The following PLD5 variants were observed in gnomAD, a reference collection of about 807,000 sequenced individuals.
PLD5 encodes the protein inactive phospholipase D5.
In PLD5, 36 loss-of-function variants were observed where a neutral mutation model predicts 61.1. That is an observed-to-expected ratio of 0.59 (90% CI 0.45 to 0.78). The LOEUF (loss-of-function observed/expected upper bound fraction) is 0.78. PLD5 is among the 30% of genes least tolerant of loss of function. PLD5 has a pLI of 0.00. For missense variants in PLD5, 515 were observed against 644.4 expected, an observed-to-expected ratio of 0.80 and a Z score of 2.17; for synonymous variants, 243 against 242.8, an observed-to-expected ratio of 1.00 and a Z score of -0.01.
chr1:242,499,800 G>C (rs992960515), intron 1 of PLD5, among the ~76,000 whole-genome samples: 5 of 152,138 alleles, frequency 3.3e-5, no homozygotes, highest in African/African-American at 1.2e-4. Flanking sequence ...GGCCCAGGAG[G>C]GATGGCTTAT....
chr1:242,413,443 G>T (rs1372609887), intron 1 of PLD5, among the ~76,000 whole-genome samples: 2 of 152,014 alleles, frequency 1.3e-5, no homozygotes, highest in African/African-American at 2.4e-5. Context: ...CTAGCAGGGG[G>T]ACAAACTGCT....
intron 5 of PLD5, among the ~76,000 whole-genome samples, chr1:242,151,391 CTTT>C (rs888484207): frequency 1.3e-5 from 2 of 151,742 alleles, no homozygotes; most frequent in African/African-American, 4.8e-5. Flanking sequence ...TCCCTCATAA[CTTT>C]TTTTCTAATT....
intron 1 of PLD5, among the ~76,000 whole-genome samples, chr1:242,423,833 G>T (rs1237479023): frequency 6.6e-6 from 1 of 152,044 alleles, no homozygotes; most frequent in African/African-American, 2.4e-5. Context: ...CATAACAAGG[G>T]TTCAATGAAT....
intron 8 of PLD5, among the ~76,000 whole-genome samples, chr1:242,106,574 G>C (rs1242420516): frequency 2.0e-5 from 3 of 152,176 alleles, no homozygotes; most frequent in Non-Finnish European, 4.4e-5. Flanking sequence ...TGGAATGAAG[G>C]CTAAAGGGAT....
At chr1:242,186,392 A>G (rs564996099) in intron 5 of PLD5, among the ~76,000 whole-genome samples, 2 of 152,176 alleles carry the variant, frequency 1.3e-5, no homozygotes, top group Non-Finnish European at 2.9e-5. Context: ...CATGTTGGTC[A>G]GGCTGGTCTT....
At chr1:242,447,827 A>T (rs1052712762) in intron 1 of PLD5, among the ~76,000 whole-genome samples, 4 of 152,186 alleles carry the variant, frequency 2.6e-5, no homozygotes, top group Admixed American at 2.6e-4. Flanking sequence ...CTGTAAGAGA[A>T]TATCACTATG....
intron 5 of PLD5, among the ~76,000 whole-genome samples, chr1:242,167,077 AG>A (rs367969227): frequency 0.33 from 9,178 of 28,240 alleles, 382 homozygotes; most frequent in African/African-American, 0.43. Context: ...CAATAATAAT[AG>A]TAATAATAAT....
At chr1:242,400,176 C>T (rs1293537854) in intron 1 of PLD5, among the ~76,000 whole-genome samples, 3 of 132,986 alleles carry the variant, frequency 2.3e-5, no homozygotes, top group Non-Finnish European at 4.8e-5. Context: ...AACTCTCTCT[C>T]TCAAAAGAAA....
intron 1 of PLD5, among the ~76,000 whole-genome samples, chr1:242,424,574 C>T (rs1185783094): frequency 6.6e-6 from 1 of 151,954 alleles, no homozygotes; most frequent in African/African-American, 2.4e-5. Context: ...GTGATTTTGT[C>T]ACCCTAATAC....
chr1:242,149,183 C>G (rs936800110), intron 5 of PLD5, among the ~76,000 whole-genome samples: 2 of 151,848 alleles, frequency 1.3e-5, no homozygotes, highest in Admixed American at 6.6e-5. Flanking sequence ...CCTTTTAACT[C>G]TAGTTTTCTG....
At chr1:242,463,268 C>A (rs557138568) in intron 1 of PLD5, among the ~76,000 whole-genome samples, 4 of 152,318 alleles carry the variant, frequency 2.6e-5, no homozygotes, top group South Asian at 4.1e-4. Context: ...AGTAGAGACA[C>A]TCGCTTGTCC....
chr1:242,270,839 C>T (rs1309410894), intron 3 of PLD5, among the ~76,000 whole-genome samples: 5 of 152,198 alleles, frequency 3.3e-5, no homozygotes, highest in Non-Finnish European at 7.3e-5. Flanking sequence ...AATGCTATAT[C>T]TCCAGTCTTT....
chr1:242,149,960 A>G (rs530793292), intron 5 of PLD5, among the ~76,000 whole-genome samples: 4 of 151,974 alleles, frequency 2.6e-5, no homozygotes, highest in East Asian at 3.9e-4. Context: ...TCATCCTAAC[A>G]TAAGCATCTT....
At chr1:242,380,708 GA>G (rs374529560) in intron 1 of PLD5, among the ~76,000 whole-genome samples, 6 of 145,366 alleles carry the variant, frequency 4.1e-5, no homozygotes, top group South Asian at 2.4e-4. Context: ...AGAAAGAAGA[GA>G]AAAAAAAACA....
chr1:242,409,826 TG>T (rs1425618319), intron 1 of PLD5, among the ~76,000 whole-genome samples: 1 of 152,080 alleles, frequency 6.6e-6, no homozygotes, highest in Non-Finnish European at 1.5e-5. Flanking sequence ...TGGGGATATG[TG>T]GGGGCGCCAT....
At chr1:242,518,204 C>A (rs1274286074) in intron 1 of PLD5, among the ~76,000 whole-genome samples, 2 of 152,168 alleles carry the variant, frequency 1.3e-5, no homozygotes, top group African/African-American at 2.4e-5. Context: ...TTCATAAGGG[C>A]TAGATTTGTG....
At chr1:242,166,317 G>A (rs75378127) in intron 5 of PLD5, among the ~76,000 whole-genome samples, 3,916 of 152,290 alleles carry the variant, frequency 0.026, 72 homozygotes, top group East Asian at 0.06. Flanking sequence ...CAAAAGAAGC[G>A]TTCCATAAAA....
intron 1 of PLD5, among the ~76,000 whole-genome samples, chr1:242,394,264 ATGAG>A (rs1663220276): frequency 1.0e-5 from 1 of 95,320 alleles, no homozygotes; most frequent in African/African-American, 4.6e-5. Flanking sequence ...ATATATGAGT[ATGAG>A]TATATATATG....
chr1:242,395,410 G>A (rs1663514849), intron 1 of PLD5, among the ~76,000 whole-genome samples: 2 of 152,024 alleles, frequency 1.3e-5, no homozygotes, highest in Admixed American at 6.6e-5. Context: ...ACAACAGGGA[G>A]ATTTATATTT....
Sources: allele counts gnomAD v4.1 joint callset (sites outside exome capture counted in the v4.1 genomes callset), GRCh38; gene constraint gnomAD v4.1.1; transcripts MANE v1.5; gene names NCBI Gene and HGNC (gene_info 2026-07-23, HGNC 2026-07-21).